ATXN1: variants seen among roughly 807,000 people sequenced by gnomAD.
ATXN1 encodes ataxin-1.
In ATXN1, 8 loss-of-function variants were observed where a neutral mutation model predicts 56.4. The observed-to-expected ratio is 0.14, with a 90% CI of 0.08 to 0.26. ATXN1 has a LOEUF of 0.26. Ranked by LOEUF, ATXN1 falls within the 10% of genes least tolerant of loss-of-function variation. The pLI, the probability that ATXN1 is intolerant of heterozygous loss-of-function variation, is 1.00. For missense variants in ATXN1, 987 were observed against 1,106.5 expected (o/e 0.89, Z 1.53); for synonymous variants, 514 against 494.6 (o/e 1.04, Z -0.52).
At chr6:16,744,916 T>C (rs374531474) in intron 2 of ATXN1, among the ~76,000 whole-genome samples, 5 of 152,216 alleles carry the variant, frequency 3.3e-5, no homozygotes, top group African/African-American at 4.8e-5. Flanking sequence ...ACTAGGGAAG[T>C]AGCTGTAGCA....
Position 16,693,887 on chromosome 6 carries a change from T to C in ATXN1, c.-614-35986A>G, listed in dbSNP as rs981061825. On this transcript the variant is annotated intron_variant, in intron 2 of 7. Transcript: ENST00000436367. The stretch of plus-strand genomic sequence containing the variant: ...CCCCAGTCACCCTTCACAGAGTTAA[T>C]TGTAAAAAATACAGTCCACCCTAGG... Among the ~76,000 whole-genome samples, 8 of 152,178 alleles carry C rather than the reference T, an allele frequency of 5.3e-5. 1 individual carries two copies. Among genetic ancestry groups the C allele is most frequent in the Middle Eastern group, 6.3e-3 (2 of 316 alleles).
At chr6:16,732,810 T>C (rs1026744282) in intron 2 of ATXN1, among the ~76,000 whole-genome samples, 2 of 152,258 alleles carry the variant, frequency 1.3e-5, no homozygotes, top group Non-Finnish European at 2.9e-5. Flanking sequence ...GATGTGCTTC[T>C]TTTGAAATCT....
rs150773399 is a variant in ATXN1, at chr6:16,540,231, G to A, written c.-360-17543C>T. Among the ~76,000 whole-genome samples, 511 of 152,124 alleles carry A rather than the reference G, an allele frequency of 3.4e-3. 2 individuals are homozygous for A. The highest frequency in any genetic ancestry group is 0.012 in the African/African-American group (499 of 41,486). ...TTAATTATTATTATAATTATTTTTGGAGACGGAATCTTGTTCTGTCACCAG... is the reference window on the plus strand; with the variant it reads ...TTAATTATTATTATAATTATTTTTGAAGACGGAATCTTGTTCTGTCACCAG... On this transcript the variant is annotated intron_variant, in intron 4 of 7. Transcript: ENST00000436367.
chr6:16,309,926 CG>C (rs1561845121), intron 7 of ATXN1, among the ~76,000 whole-genome samples: 2 of 151,878 alleles, frequency 1.3e-5, no homozygotes, highest in Non-Finnish European at 2.9e-5. Context: ...CCCAGCTACT[CG>C]GGGGGCTGAG....
intron 2 of ATXN1, among the ~76,000 whole-genome samples, chr6:16,664,570 T>C (rs544726392): frequency 6.6e-6 from 1 of 152,172 alleles, no homozygotes; most frequent in African/African-American, 2.4e-5. Flanking sequence ...CATATGTTCA[T>C]GTGTATTGTA....
chr6:16,439,443 G>GT (rs550103171), intron 6 of ATXN1, among the ~76,000 whole-genome samples: 8 of 138,666 alleles, frequency 5.8e-5, no homozygotes, highest in African/African-American at 8.0e-5. Flanking sequence ...TGACTCAGGG[G>GT]TTTTTTTTCA....
At chr6:16,739,498 G>C (rs779275480) in intron 2 of ATXN1, 1 of 240,382 alleles carries the variant, frequency 4.2e-6, no homozygotes, top group Non-Finnish European at 8.8e-6. Flanking sequence ...CTAATGCCAA[G>C]ATGGAAAAAA....
chr6:16,347,189 C>T (rs1581704878), intron 6 of ATXN1, among the ~76,000 whole-genome samples: 1 of 152,234 alleles, frequency 6.6e-6, no homozygotes, highest in Non-Finnish European at 1.5e-5. Context: ...TCCACAGCGC[C>T]CAGTCCCATC....
chr6:16,329,020 G>A (rs2113416672), intron 6 of ATXN1, among the ~76,000 whole-genome samples: 1 of 152,208 alleles, frequency 6.6e-6, no homozygotes, highest in Admixed American at 6.5e-5. Flanking sequence ...CTGGGCAAGT[G>A]AACACTGTAA....
intron 6 of ATXN1, among the ~76,000 whole-genome samples, chr6:16,411,125 C>CAAAAAAAAAAAAAA (rs746717153): frequency 2.5e-5 from 2 of 80,694 alleles, no homozygotes; most frequent in Non-Finnish European, 4.7e-5. Context: ...ACCTCTGTGT[C>CAAAAAAAAAAAAAA]AAAAAAAAAA....
intron 2 of ATXN1, among the ~76,000 whole-genome samples, chr6:16,742,314 G>T (rs1406217385): frequency 6.6e-6 from 1 of 152,162 alleles, no homozygotes; most frequent in Non-Finnish European, 1.5e-5. Flanking sequence ...ACAACTTGGG[G>T]TCATACTTCT....
At chr6:16,347,903 T>C (rs1761459413) in intron 6 of ATXN1, among the ~76,000 whole-genome samples, 1 of 152,256 alleles carries the variant, frequency 6.6e-6, no homozygotes, top group Non-Finnish European at 1.5e-5. Flanking sequence ...CAATAAATCT[T>C]GCTGCTGCTG....
rs1476960266 is a variant in ATXN1, at chr6:16,753,267, G to C, written c.-649C>G. On this transcript the variant is annotated 5_prime_UTR_variant, in exon 2 of 8. Transcript: ENST00000436367. ...GATGCACTTCCCTGTAGTGGCAGTG[G>C]AGGAGGAGATTGCTGTACAAGGATG... 2 of 456,624 alleles carry C rather than the reference G, an allele frequency of 4.4e-6. No homozygotes were observed. The highest frequency in any genetic ancestry group is 6.9e-5 in the East Asian group (1 of 14,400). 28.3% of individuals were successfully genotyped at this position (456,624 alleles called of 1,614,324 possible).
chr6:16,594,761 G>A (rs7763707), intron 3 of ATXN1, among the ~76,000 whole-genome samples: 5 of 152,058 alleles, frequency 3.3e-5, no homozygotes, highest in Non-Finnish European at 7.4e-5. Flanking sequence ...GATTACAGGC[G>A]TGAGCCACCG....
Position 16,327,415 on chromosome 6 carries a change from T to C in ATXN1, c.896A>G (p.His299Arg). ...VVMQYADSGS[H>R]FVPREATKKA... is the part of the protein sequence containing the mutation. Reference sequence around the variant, plus strand: ...CTTGGTGGCCTCCCGAGGGACAAAGTGGCTGCCGGAGTCGGCGTATTGCAT... The same window carrying C: ...CTTGGTGGCCTCCCGAGGGACAAAGCGGCTGCCGGAGTCGGCGTATTGCAT... Residue 299 changes from histidine to arginine, a missense_variant, in exon 7 of 8, where the codon CAC (histidine) becomes CGC (arginine). Around this residue, in one of 3 missense-constraint regions of ATXN1, gnomAD observed 723 missense variants for 791.7 expected, o/e 0.91. Coordinates refer to ENST00000436367, the MANE Select transcript of ATXN1 (RefSeq NM_001128164.2). 6.2e-7 allele frequency: 1 copy of C among 1,613,510 alleles called. No individual in the cohort carries two copies. The highest frequency in any genetic ancestry group is 8.5e-7 in the Non-Finnish European group (1 of 1,179,906).
intron 6 of ATXN1, among the ~76,000 whole-genome samples, chr6:16,415,399 T>G (rs1198554247): frequency 6.6e-6 from 1 of 152,122 alleles, no homozygotes; most frequent in Non-Finnish European, 1.5e-5. Flanking sequence ...CGGCTAATTT[T>G]TTGTATTTTT....
chr6:16,373,884 C>G (rs999853358), intron 6 of ATXN1, among the ~76,000 whole-genome samples: 3 of 152,120 alleles, frequency 2.0e-5, no homozygotes, highest in African/African-American at 7.2e-5. Context: ...GGGCATCACA[C>G]CCAAATTAGA....
rs372387982 is a variant in ATXN1, at chr6:16,532,331, T to C, written c.-360-9643A>G. Among the ~76,000 whole-genome samples, 7 of 152,326 alleles carry C rather than the reference T, an allele frequency of 4.6e-5. No individual in the cohort carries two copies. The South Asian group carries it at 6.2e-4, about 14-fold the overall frequency. On this transcript the variant is annotated intron_variant, in intron 4 of 7. Coordinates refer to ENST00000436367, the MANE Select transcript of ATXN1 (RefSeq NM_001128164.2). Reference sequence around the variant, plus strand: ...AGCATCCACCACTGAACCTCGTCCATGATAAGCAGATATGGGCAAATCTGA... The same window carrying C: ...AGCATCCACCACTGAACCTCGTCCACGATAAGCAGATATGGGCAAATCTGA...
At chr6:16,731,777 A>C (rs1242667865) in intron 2 of ATXN1, among the ~76,000 whole-genome samples, 3 of 140,150 alleles carry the variant, frequency 2.1e-5, no homozygotes, top group African/African-American at 5.3e-5. Flanking sequence ...ACCTACCCCC[A>C]CCCCTCCTAC....
Sources: allele counts gnomAD v4.1 joint callset (sites outside exome capture counted in the v4.1 genomes callset), GRCh38; gene constraint gnomAD v4.1.1; regional missense constraint gnomAD v4.1.1; transcripts MANE v1.5; gene names NCBI Gene and HGNC (gene_info 2026-07-23, HGNC 2026-07-21).